The following HHIP variants were observed in gnomAD, a reference collection of about 807,000 sequenced individuals.
HHIP encodes hedgehog-interacting protein.
HHIP carries 12 observed loss-of-function variants against 74.0 expected under a neutral mutation model. The ratio of observed to expected loss-of-function variants is 0.16; its 90% confidence interval spans 0.10 to 0.26. The LOEUF is 0.26. Ranked by LOEUF, HHIP falls within the 10% of genes least tolerant of loss-of-function variation. The pLI is 1.00. For synonymous variants in HHIP, 309 were observed against 311.6 expected, an observed-to-expected ratio of 0.99 and a Z score of 0.09; for missense variants, 788 against 845.0, an observed-to-expected ratio of 0.93 and a Z score of 0.84.
chr4:144,657,172 T>C (rs1728581309), intron 2 of HHIP, among the ~76,000 whole-genome samples: 1 of 152,186 alleles, frequency 6.6e-6, no homozygotes, highest in Admixed American at 6.5e-5. Flanking sequence ...CAAAATGTAC[T>C]TCAAGCTTTA....
intron 4 of HHIP, among the ~76,000 whole-genome samples, chr4:144,693,458 C>A (rs909882281): frequency 2.6e-5 from 4 of 152,016 alleles, no homozygotes; most frequent in Non-Finnish European, 5.9e-5. Context: ...AGCTTTTATT[C>A]ATTGAAATCT....
At chr4:144,723,972 T>G (rs1730718119) in intron 11 of HHIP, among the ~76,000 whole-genome samples, 1 of 152,208 alleles carries the variant, frequency 6.6e-6, no homozygotes, top group South Asian at 2.1e-4. Flanking sequence ...ATCAGTATAC[T>G]AGATTTCCTG....
chr4:144,653,128 T>C (rs893458486), intron 2 of HHIP, among the ~76,000 whole-genome samples: 3 of 152,162 alleles, frequency 2.0e-5, no homozygotes, highest in South Asian at 2.1e-4. Flanking sequence ...TTCTTTACCA[T>C]AACATCAGCT....
chr4:144,646,816 C>G lies in HHIP; in HGVS notation c.141C>G (p.Arg47=). The G allele has an allele frequency of 6.2e-7, 1 of 1,614,184 alleles. No individual in the cohort carries two copies. ...RRCLNGNPPK[R]LKRRDRRMMS... is the part of the protein sequence containing the mutation. ...GCCTGAATGGGAACCCCCCGAAGCG[C>G]CTGAAAAGGAGAGACAGGAGGATGA... is the stretch of plus-strand genomic sequence containing the variant. Residue 47 remains arginine (R), a synonymous_variant, in exon 1 of 13, where the codon CGC becomes CGG. Transcript: ENST00000296575.
intron 12 of HHIP, among the ~76,000 whole-genome samples, chr4:144,737,133 A>G (rs1375314023): frequency 6.6e-6 from 1 of 152,204 alleles, no homozygotes; most frequent in African/African-American, 2.4e-5. Context: ...CTGTAGGGTA[A>G]CCCTGAAAAG....
intron 4 of HHIP, among the ~76,000 whole-genome samples, chr4:144,673,177 A>C (rs1019713101): frequency 6.6e-6 from 1 of 152,206 alleles, no homozygotes; most frequent in African/African-American, 2.4e-5. Flanking sequence ...TTACCTGTAA[A>C]ATGAGAGGAT....
chr4:144,723,855 A>T (rs1377004598), intron 11 of HHIP, among the ~76,000 whole-genome samples: 1 of 152,232 alleles, frequency 6.6e-6, no homozygotes, highest in African/African-American at 2.4e-5. Context: ...GTGGATTTGA[A>T]GTCTAAGAGG....
rs569433764 is a variant in HHIP at position 144,683,029 on chromosome 4, C to T, written c.831+23191C>T. 6.6e-5 allele frequency among the ~76,000 whole-genome samples: 10 copies of T among 152,326 alleles called. No individual in the cohort carries two copies. The South Asian group carries it at 2.1e-3, about 32-fold the overall frequency. On this transcript the variant is annotated intron_variant, in intron 4 of 12. Transcript: ENST00000296575. ...AAGGCAAAACCTGAGAGGGTTTGGA[C>T]ACTGAAAACAAATCTCTGGTTTTAT...
rs1262267273 is a variant in HHIP, at chr4:144,742,797, ATATATATATTTATATATATGGT to A, written c.*4852_*4873del. 8.2e-5 allele frequency: 12 copies of A among 146,304 alleles called. No individual in the cohort carries two copies. Among genetic ancestry groups the A allele is most frequent in the Admixed American group, 4.9e-4 (7 of 14,422 alleles). 9.1% of individuals were successfully genotyped at this position (146,304 alleles called of 1,614,324 possible). ...TTTGTCACACAAACATAAATTGGTC[ATATATATATTTATATATATGGT>A]TATATATATTTGGTTATATATATAT... On this transcript the variant is annotated 3_prime_UTR_variant, in exon 13 of 13. Transcript: ENST00000296575.
chr4:144,662,738 CTGT>C lies in HHIP; in HGVS notation c.831+2905_831+2907del, dbSNP rs1255679417. ...GTGCACATGCAGCGTTGTTATTGTT[CTGT>C]TGTTATCATTTTATTCCAAAGGGCA... On this transcript the variant is annotated intron_variant, in intron 4 of 12. Coordinates refer to ENST00000296575, the MANE Select transcript of HHIP (RefSeq NM_022475.3). Among the ~76,000 whole-genome samples the C allele has an allele frequency of 6.6e-5, 10 of 152,224 alleles. No homozygotes were observed. In the East Asian group the frequency reaches 1.9e-3, roughly 29 times the overall value.
chr4:144,712,757 CAGT>C (rs1730340118), intron 8 of HHIP, among the ~76,000 whole-genome samples: 1 of 151,980 alleles, frequency 6.6e-6, no homozygotes, highest in South Asian at 2.1e-4. Context: ...TCAGGAAACA[CAGT>C]AGATTAAGAT....
chr4:144,676,014 C>T (rs1729159674), intron 4 of HHIP, among the ~76,000 whole-genome samples: 1 of 151,992 alleles, frequency 6.6e-6, no homozygotes, highest in Non-Finnish European at 1.5e-5. Context: ...TCCTATAAAC[C>T]AAAGGTTCTG....
chr4:144,688,259 T>C (rs768425861), intron 4 of HHIP, among the ~76,000 whole-genome samples: 3 of 152,114 alleles, frequency 2.0e-5, no homozygotes, highest in Non-Finnish European at 4.4e-5. Flanking sequence ...GAATAGCTTG[T>C]TGTTGAAGCA....
In HHIP at chr4:144,742,576, A is replaced by C. The variant is rs1316565620; in HGVS notation, c.*4619A>C. The stretch of plus-strand genomic sequence containing the variant: ...AGCAGTTCCTCAATGGAGACTTTAT[A>C]AATCTTAATTTCCTCACCCCTGGGA... On this transcript the variant is annotated 3_prime_UTR_variant, in exon 13 of 13. Coordinates refer to ENST00000296575, the MANE Select transcript of HHIP (RefSeq NM_022475.3). 1 of 151,824 alleles carries C rather than the reference A, an allele frequency of 6.6e-6. No homozygotes were observed. Among genetic ancestry groups the C allele is most frequent in the Non-Finnish European group, 1.5e-5 (1 of 67,956 alleles). 9.4% of individuals were successfully genotyped at this position (151,824 alleles called of 1,614,324 possible).
intron 11 of HHIP, 130 bp downstream of exon 11, chr4:144,719,086 C>T (rs967130163): frequency 2.3e-5 from 15 of 656,466 alleles, no homozygotes; most frequent in African/African-American, 1.8e-4. Flanking sequence ...TTTCCATATG[C>T]TTAGAGCTGT....
At chr4:144,661,346 C>A (rs1728708402) in intron 4 of HHIP, 1 of 152,248 alleles carries the variant, frequency 6.6e-6, no homozygotes, top group East Asian at 1.9e-4. Context: ...TACAAGAAAA[C>A]TTGCAGAATT....
chr4:144,700,257 T>A (rs1270815806), intron 4 of HHIP, among the ~76,000 whole-genome samples: 1 of 152,180 alleles, frequency 6.6e-6, no homozygotes, highest in African/African-American at 2.4e-5. Flanking sequence ...CTTAAGTATC[T>A]CCTTGTGAAC....
At chr4:144,727,729 T>C (rs529437879) in intron 11 of HHIP, among the ~76,000 whole-genome samples, 3 of 152,198 alleles carry the variant, frequency 2.0e-5, no homozygotes, top group African/African-American at 7.2e-5. Context: ...TGGAAATATA[T>C]GCATTGAGTT....
intron 11 of HHIP, among the ~76,000 whole-genome samples, chr4:144,730,177 T>C: frequency 6.6e-6 from 1 of 152,158 alleles, no homozygotes; most frequent in East Asian, 1.9e-4. Flanking sequence ...ACTTCCCTTC[T>C]TTCAAAAAAG....
Sources: gnomAD v4.1 joint callset for allele counts (sites outside exome capture counted in the v4.1 genomes callset) on GRCh38, gnomAD v4.1.1 for gene constraint, MANE v1.5 for transcripts, NCBI Gene and HGNC (gene_info 2026-07-23, HGNC 2026-07-21) for gene names.